Variants in NADSYN1 observed in about 807,000 individuals in gnomAD.
NADSYN1 encodes NAD synthetase 1, also known as glutamine-dependent NAD(+) synthetase.
In NADSYN1, 80 loss-of-function variants were observed where a neutral mutation model predicts 99.3. The ratio of observed to expected loss-of-function variants is 0.81; its 90% confidence interval spans 0.67 to 0.97. The LOEUF is 0.97. Among genes scored for constraint, NADSYN1 ranks in the 50% least tolerant of loss-of-function variants. NADSYN1 has a pLI of 0.00. For missense variants in NADSYN1, 859 were observed against 948.5 expected (o/e 0.91, Z 1.24); for synonymous variants, 385 against 372.1 (o/e 1.03, Z -0.40).
chr11:71,472,660 G>A (rs1479239753), intron 6 of NADSYN1, among the ~76,000 whole-genome samples, 160 bp downstream of exon 6: 2 of 152,202 alleles, frequency 1.3e-5, no homozygotes, highest in Admixed American at 1.3e-4. Flanking sequence ...CCTATAGTGA[G>A]GGGGGCTGCG....
intron 5 of NADSYN1, among the ~76,000 whole-genome samples, chr11:71,464,867 C>CAAAAA (rs926724365): frequency 4.9e-5 from 2 of 40,516 alleles, no homozygotes; most frequent in African/African-American, 1.6e-4. Context: ...GACTCTGTCT[C>CAAAAA]AAAAAAAAAA....
chr11:71,469,859 G>A (rs1387593219), intron 5 of NADSYN1, among the ~76,000 whole-genome samples: 2 of 141,278 alleles, frequency 1.4e-5, no homozygotes, highest in Non-Finnish European at 3.0e-5. Flanking sequence ...CCATGAGGTT[G>A]AGCCTGCAGC....
In NADSYN1 at chr11:71,480,714, G is replaced by A. The variant is rs566485176; in HGVS notation, c.874-41G>A. 5.6e-4 allele frequency: 907 copies of A among 1,613,142 alleles called. 13 individuals are homozygous for A. The South Asian group carries it at 9.3e-3, about 17-fold the overall frequency. The stretch of plus-strand genomic sequence containing the variant: ...GGTCCTGGGGACCCAGAGGGTTTCC[G>A]TGAAGCTGGGAGTCATTCTGTCTTG... On this transcript the variant is annotated intron_variant, in intron 10 of 20. Coordinates refer to ENST00000319023, the MANE Select transcript of NADSYN1 (RefSeq NM_018161.5).
intron 14 of NADSYN1, among the ~76,000 whole-genome samples, chr11:71,484,011 A>G (rs535193189): frequency 1.3e-5 from 2 of 152,308 alleles, no homozygotes; most frequent in South Asian, 4.2e-4. Context: ...AGGCCATGGC[A>G]TAGAGAGAGA....
intron 2 of NADSYN1, among the ~76,000 whole-genome samples, chr11:71,456,303 T>G (rs2120387748): frequency 6.6e-6 from 1 of 152,388 alleles, no homozygotes; most frequent in South Asian, 2.1e-4. Context: ...ATGTTTACTT[T>G]GTTCTTTAAT....
chr11:71,501,224 T>C, intron 20 of NADSYN1, 78 bp from the exon 21 acceptor site: 1 of 1,339,884 alleles, frequency 7.5e-7, no homozygotes, highest in Non-Finnish European at 9.9e-7. Context: ...TGTGACCCGC[T>C]TTTGGTGCGT....
rs114717844 is a variant in NADSYN1 at position 71,498,642 on chromosome 11, G to C, written c.2070+114G>C. The C allele has an allele frequency of 1.9e-3, 2,236 of 1,190,626 alleles. 34 individuals carry two copies. The African/African-American group carries it at 0.03, about 16-fold the overall frequency. 73.8% of individuals were successfully genotyped at this position (1,190,626 alleles called of 1,614,324 possible). A position where few individuals can be genotyped will look rare whatever the true frequency, so the allele number is the denominator to read the frequency against. ...TTATATACACAGTAACTTTTTTACT[G>C]TCCTCCTTTCTGCAAAGGGACAAGT... On this transcript the variant is annotated intron_variant, in intron 20 of 20. Coordinates refer to ENST00000319023, the MANE Select transcript of NADSYN1 (RefSeq NM_018161.5).
chr11:71,490,313 A>T (rs909367450), intron 16 of NADSYN1, among the ~76,000 whole-genome samples: 1 of 152,002 alleles, frequency 6.6e-6, no homozygotes, highest in Non-Finnish European at 1.5e-5. Context: ...TTTCAGGCCC[A>T]CCCTGCAATC....
chr11:71,481,644 G>A, intron 12 of NADSYN1: 1 of 605,632 alleles, frequency 1.7e-6, no homozygotes, highest in Non-Finnish European at 2.9e-6. Context: ...AGCATTCAGG[G>A]TCACGCTCAC....
intron 18 of NADSYN1, among the ~76,000 whole-genome samples, chr11:71,492,203 T>G (rs1949784980): frequency 6.6e-6 from 1 of 152,180 alleles, no homozygotes; most frequent in Admixed American, 6.5e-5. Flanking sequence ...GCTCGTGTTT[T>G]AGAGCGATGT....
intron 7 of NADSYN1, 81 bp downstream of exon 7, chr11:71,473,447 G>GGGCCATGGCCAT: frequency 6.5e-7 from 1 of 1,540,070 alleles, no homozygotes; most frequent in Non-Finnish European, 8.9e-7. Context: ...AGACGTCCTG[G>GGGCCATGGCCAT]GGCCGTGGCC....
intron 11 of NADSYN1, 106 bp downstream of exon 11, chr11:71,480,985 T>G: frequency 6.7e-7 from 1 of 1,487,980 alleles, no homozygotes; most frequent in Non-Finnish European, 9.1e-7. Flanking sequence ...CCTGCCTGGG[T>G]GGGGACTTGC....
intron 10 of NADSYN1, 83 bp downstream of exon 10, chr11:71,478,552 C>T (rs112228217): frequency 3.1e-5 from 39 of 1,266,746 alleles, no homozygotes; most frequent in African/African-American, 1.9e-4. Context: ...TGGTGGAGGC[C>T]GTGAGGGTGC....
chr11:71,479,279 A>G (rs1417662421), intron 10 of NADSYN1: 1 of 147,080 alleles, frequency 6.8e-6, no homozygotes, highest in Non-Finnish European at 1.5e-5. Context: ...TTTTTTTTTT[A>G]GAGACAGAGT....
intron 9 of NADSYN1, chr11:71,474,797 C>G (rs553272729): frequency 4.8e-5 from 21 of 438,182 alleles, no homozygotes; most frequent in Admixed American, 4.5e-4. Flanking sequence ...GTCCCGCCTG[C>G]TCTGATGGCC....
At chr11:71,455,005 T>C in intron 1 of NADSYN1, 105 bp from the exon 2 acceptor site, 1 of 772,686 alleles carries the variant, frequency 1.3e-6, no homozygotes. Context: ...TTGTTTGTTG[T>C]TTGTTTTTTT....
At chr11:71,460,584 T>C (rs1390257870) in intron 3 of NADSYN1, 2 of 152,182 alleles carry the variant, frequency 1.3e-5, no homozygotes, top group Non-Finnish European at 2.9e-5. Flanking sequence ...TTTTTGGGTT[T>C]TGCCTTTTGT....
chr11:71,498,072 G>A (rs1281087545), intron 19 of NADSYN1, among the ~76,000 whole-genome samples: 2 of 152,152 alleles, frequency 1.3e-5, no homozygotes, highest in Admixed American at 1.3e-4. Context: ...AAGGCAGGGG[G>A]ACCCCGGTTT....
intron 17 of NADSYN1, 102 bp from the exon 18 acceptor site, chr11:71,491,732 C>CCGGG: frequency 9.3e-7 from 1 of 1,076,516 alleles, no homozygotes. Flanking sequence ...AACGGAGTGG[C>CCGGG]CGGGACCAGC....
Sources: gnomAD v4.1 joint callset for allele counts (sites outside exome capture counted in the v4.1 genomes callset) on GRCh38, gnomAD v4.1.1 for gene constraint, MANE v1.5 for transcripts, NCBI Gene and HGNC (gene_info 2026-07-23, HGNC 2026-07-21) for gene names.